N4BP2: variants seen among roughly 807,000 people sequenced by gnomAD.
N4BP2 encodes the protein NEDD4-binding protein 2.
In N4BP2, 91 loss-of-function variants were observed where a neutral mutation model predicts 152.8. The observed-to-expected ratio is 0.60, with a 90% CI of 0.50 to 0.71. The LOEUF (loss-of-function observed/expected upper bound fraction) is 0.71, where lower values mean the gene tolerates loss of function less well. Ranked by LOEUF, N4BP2 falls within the 30% of genes least tolerant of loss-of-function variation. The pLI is 0.00. For missense variants in N4BP2, 1,923 were observed against 2,059.1 expected (o/e 0.93, Z 1.28); for synonymous variants, 646 against 705.3 (o/e 0.92, Z 1.33).
the N4BP2 span, among the ~76,000 whole-genome samples, chr4:40,166,213 T>C: frequency 4.6e-5 from 7 of 152,278 alleles, no homozygotes; most frequent in East Asian, 1.4e-3. Flanking sequence ...ACCCCCACAG[T>C]AATAAGTTTT....
rs981188231 is a variant in N4BP2, at chr4:40,156,839, A to T, written c.*2602A>T. 5 of 152,262 alleles carry T rather than the reference A, an allele frequency of 3.3e-5. No homozygotes were observed. Among genetic ancestry groups the T allele is most frequent in the African/African-American group, 1.2e-4 (5 of 41,570 alleles). The allele number at this position is 152,262 out of a possible 1,614,324, so 9.4% of individuals were successfully genotyped here. On this transcript the variant is annotated 3_prime_UTR_variant, in exon 18 of 18. Transcript: ENST00000261435. ...CATTTTACATTTGTAGGTTAGCGAT[A>T]CTCAACAAGTAAATATAATGCACAT...
At chr4:40,139,561 G>A (rs564474551) in intron 14 of N4BP2, among the ~76,000 whole-genome samples, 7 of 140,624 alleles carry the variant, frequency 5.0e-5, no homozygotes, top group Admixed American at 4.5e-4. Flanking sequence ...GCGCGATCTC[G>A]GCTCACTGCA....
At chr4:40,079,916 A>G (rs185252428) in intron 2 of N4BP2, among the ~76,000 whole-genome samples, 3 of 152,276 alleles carry the variant, frequency 2.0e-5, no homozygotes, top group Admixed American at 2.0e-4. Flanking sequence ...AAATTATATA[A>G]TAGAGGTAGA....
At position 40,126,425 on chromosome 4, in the gene N4BP2, A is replaced by C; in HGVS notation, c.4527+95A>C. ...TTTTTCAAAGTATTTTCTAGTCTAG[A>C]ATCCATATTTAACCTGATTGAATTT... On this transcript the variant is annotated intron_variant, in intron 12 of 17. Coordinates refer to ENST00000261435, the MANE Select transcript of N4BP2 (RefSeq NM_018177.6). The C allele has an allele frequency of 6.7e-6, 4 of 598,798 alleles. No homozygotes were observed. In the South Asian group the frequency reaches 1.3e-4, roughly 19 times the overall value. The allele number at this position is 598,798 out of a possible 1,614,324, so 37.1% of individuals were successfully genotyped here.
chr4:40,090,517 G>A (rs1012828692), intron 2 of N4BP2, among the ~76,000 whole-genome samples: 1 of 152,048 alleles, frequency 6.6e-6, no homozygotes, highest in African/African-American at 2.4e-5. Flanking sequence ...ATAGGTTCTC[G>A]GAAACTGTGA....
intron 4 of N4BP2, among the ~76,000 whole-genome samples, chr4:40,104,409 GT>G (rs35556710): frequency 0.09 from 13,450 of 149,704 alleles, 1,069 homozygotes; most frequent in East Asian, 0.42. Context: ...CTTATTTTTA[GT>G]TTTTTTTTTT....
intron 1 of N4BP2, among the ~76,000 whole-genome samples, chr4:40,063,112 T>C (rs922101919): frequency 1.3e-5 from 2 of 152,236 alleles, no homozygotes; most frequent in African/African-American, 2.4e-5. Flanking sequence ...GGCCCTTTTA[T>C]AGCCTGAATG....
intron 8 of N4BP2, 81 bp downstream of exon 8, chr4:40,118,105 T>C (rs1044764820): frequency 3.3e-6 from 4 of 1,196,234 alleles, no homozygotes; most frequent in Non-Finnish European, 4.5e-6. Flanking sequence ...TGTGGAATCA[T>C]TGCTGATAAA....
chr4:40,150,981 T>C (rs1322768260), intron 16 of N4BP2, among the ~76,000 whole-genome samples: 1 of 152,198 alleles, frequency 6.6e-6, no homozygotes, highest in Non-Finnish European at 1.5e-5. Flanking sequence ...TACTGAAATA[T>C]TTGCAGTTGA....
chr4:40,100,384 C>CT (rs1202060603), intron 3 of N4BP2, among the ~76,000 whole-genome samples: 290 of 146,562 alleles, frequency 2.0e-3, no homozygotes, highest in African/African-American at 6.1e-3. Context: ...TTTTGGTTTC[C>CT]TTTTTTTTTT....
rs748402614 is a variant in N4BP2, at chr4:40,102,131, G to A, written c.286G>A (p.Glu96Lys). The change falls in exon 4 of 18, where the codon GAA becomes AAA. Residue 96 changes from glutamate (E) to lysine (K), a missense_variant. Transcript: ENST00000261435. ...ATCTGCCACTGATACCAAGATAGAA[G>A]AATCATCTTCACAAAGTTTCGTTGC... ...ELSATDTKIE[E>K]SSSQSFVASE... 1 of 1,613,020 alleles carries A rather than the reference G, an allele frequency of 6.2e-7. No individual in the cohort carries two copies. Among genetic ancestry groups the A allele is most frequent in the Non-Finnish European group, 8.5e-7 (1 of 1,179,516 alleles).
In N4BP2 at chr4:40,121,377, C is replaced by G. The variant is rs534702185; in HGVS notation, c.3266C>G (p.Ser1089Cys). 2.0e-5 allele frequency: 33 copies of G among 1,613,168 alleles called. No homozygotes were observed. In the South Asian group the frequency reaches 3.5e-4, roughly 17 times the overall value. Residue 1089 changes from serine to cysteine, a missense_variant, in exon 9 of 18, where the codon TCT (serine) becomes TGT (cysteine). Transcript: ENST00000261435. ...AGTGAGCTTACCAGTGCAGATGAAT[C>G]TGAAAATCTTAACATTCTTTGTAAA... ...EESELTSADE[S>C]ENLNILCKLF... is the part of the protein sequence containing the mutation.
At chr4:40,067,251 T>C (rs1048402868) in intron 1 of N4BP2, among the ~76,000 whole-genome samples, 1 of 151,886 alleles carries the variant, frequency 6.6e-6, no homozygotes, top group African/African-American at 2.4e-5. Flanking sequence ...GGTTTTGCCA[T>C]GTTGCCCGGG....
rs746925388 is a variant in N4BP2 at position 40,120,088 on chromosome 4, C to G, written c.1977C>G (p.Asn659Lys). Residue 659 changes from asparagine to lysine, a missense_variant, in exon 9 of 18, where the codon AAC (asparagine) becomes AAG (lysine). By Grantham distance (94) the Asn-to-Lys change is moderately conservative. Transcript: ENST00000261435. ...NVAYLSNADL[N>K]KRRKEISDMN... Reference sequence around the variant, plus strand: ...CATATCTCTCTAATGCAGATTTAAACAAAAGAAGAAAAGAAATAAGTGATA... The same window carrying G: ...CATATCTCTCTAATGCAGATTTAAAGAAAAGAAGAAAAGAAATAAGTGATA... The G allele has an allele frequency of 3.1e-6, 5 of 1,611,700 alleles. No individual in the cohort carries two copies. In the East Asian group the frequency reaches 1.1e-4, roughly 36 times the overall value.
the N4BP2 span, among the ~76,000 whole-genome samples, chr4:40,178,237 C>T: frequency 6.6e-6 from 1 of 152,058 alleles, no homozygotes; most frequent in Non-Finnish European, 1.5e-5. Context: ...TGTGTACAAT[C>T]TAAAAACAAT....
At chr4:40,132,639 AG>A (rs1039155461) in intron 13 of N4BP2, among the ~76,000 whole-genome samples, 2 of 152,162 alleles carry the variant, frequency 1.3e-5, no homozygotes, top group African/African-American at 4.8e-5. Context: ...TAGGTATATC[AG>A]GAATGCTCTG....
At chr4:40,175,865 T>C in the N4BP2 span, among the ~76,000 whole-genome samples, 12 of 140,690 alleles carry the variant, frequency 8.5e-5, no homozygotes, top group African/African-American at 2.4e-4. Flanking sequence ...CCGAGGTGGG[T>C]GGATCACGAG....
In N4BP2 at chr4:40,157,310, C is replaced by T. The variant is rs1031570853; in HGVS notation, c.*3073C>T. 3 of 151,788 alleles carry T rather than the reference C, an allele frequency of 2.0e-5. No individual in the cohort carries two copies. The highest frequency in any genetic ancestry group is 2.0e-4 in the Admixed American group (3 of 15,246). The allele number at this position is 151,788 out of a possible 1,614,324, so 9.4% of individuals were successfully genotyped here. A position where few individuals can be genotyped will look rare whatever the true frequency, so the allele number is the denominator to read the frequency against. ...TTCCATACTATTTGCAACTTTATGG[C>T]CTTTAAATATAGGACATATTATATA... On this transcript the variant is annotated 3_prime_UTR_variant, in exon 18 of 18. Transcript: ENST00000261435.
intron 2 of N4BP2, among the ~76,000 whole-genome samples, chr4:40,084,975 C>T (rs146379586): frequency 1.5e-5 from 2 of 133,482 alleles, no homozygotes; most frequent in African/African-American, 5.7e-5. Flanking sequence ...TGCAGTGGTG[C>T]GATTTCAGCT....
Sources: allele counts gnomAD v4.1 joint callset (sites outside exome capture counted in the v4.1 genomes callset), GRCh38; gene constraint gnomAD v4.1.1; transcripts MANE v1.5; gene names NCBI Gene and HGNC (gene_info 2026-07-23, HGNC 2026-07-21).